Variants in MEGF6 observed in about 807,000 individuals in gnomAD.
The protein encoded by MEGF6 is multiple epidermal growth factor-like domains protein 6.
A neutral mutation model predicts 207.1 loss-of-function variants in MEGF6; 184 were observed. That is an observed-to-expected ratio of 0.89 (90% CI 0.79 to 1.00). MEGF6 has a LOEUF of 1.00. Ranked by LOEUF, MEGF6 falls within the 50% of genes least tolerant of loss-of-function variation. The pLI, the probability that MEGF6 is intolerant of heterozygous loss-of-function variation, is 0.00. For missense variants in MEGF6, 2,282 were observed against 2,202.9 expected (o/e 1.04, Z -0.72); for synonymous variants, 1,038 against 910.0 (o/e 1.14, Z -2.53).
At chr1:3,525,204 C>G (rs568741683) in intron 4 of MEGF6, among the ~76,000 whole-genome samples, 30 of 152,344 alleles carry the variant, frequency 2.0e-4, no homozygotes, top group African/African-American at 6.7e-4. Flanking sequence ...CACCCTCCCC[C>G]ATGAAGTGCC....
chr1:3,551,828 G>A (rs1464911681), intron 4 of MEGF6, among the ~76,000 whole-genome samples: 4 of 152,134 alleles, frequency 2.6e-5, no homozygotes, highest in East Asian at 1.9e-4. Flanking sequence ...CACCCTGCCC[G>A]AGGCCACCCT....
intron 4 of MEGF6, among the ~76,000 whole-genome samples, chr1:3,532,094 G>T (rs566021846): frequency 6.6e-6 from 1 of 152,246 alleles, no homozygotes; most frequent in African/African-American, 2.4e-5. Context: ...TTGCCTGCAG[G>T]GTGGCCAGCA....
At chr1:3,614,082 G>T (rs778902245), upstream of MEGF6, among the ~76,000 whole-genome samples, 1 of 152,182 alleles carries the variant, frequency 6.6e-6, no homozygotes, top group African/African-American at 2.4e-5. Context: ...CGCCTTTCAG[G>T]GTGATGGGGG....
intron 7 of MEGF6, among the ~76,000 whole-genome samples, chr1:3,512,383 T>C (rs1253944976): frequency 1.3e-5 from 2 of 152,350 alleles, no homozygotes; most frequent in South Asian, 2.1e-4. Context: ...CAGGCAGCAC[T>C]TTCCTGGTGT....
intron 4 of MEGF6, among the ~76,000 whole-genome samples, chr1:3,539,744 C>G (rs1280124083): frequency 1.3e-5 from 2 of 152,202 alleles, no homozygotes; most frequent in Admixed American, 1.3e-4. Flanking sequence ...ACAGAAGCTT[C>G]TAGGACAAGG....
chr1:3,538,248 A>G (rs922000598), intron 4 of MEGF6, among the ~76,000 whole-genome samples: 48 of 152,128 alleles, frequency 3.2e-4, no homozygotes, highest in Non-Finnish European at 4.6e-4. Flanking sequence ...GCGGAGACAG[A>G]GCAGACCGGC....
chr1:3,599,357 G>A (rs897574404), intron 2 of MEGF6, among the ~76,000 whole-genome samples: 2 of 152,196 alleles, frequency 1.3e-5, no homozygotes, highest in East Asian at 1.9e-4. Context: ...GGGTGCCCTC[G>A]GGCTGTGGGG....
intron 5 of MEGF6, among the ~76,000 whole-genome samples, chr1:3,523,059 C>T (rs944135737): frequency 1.4e-5 from 2 of 145,944 alleles, no homozygotes; most frequent in African/African-American, 2.6e-5. Flanking sequence ...GTGGCCGGGA[C>T]ATGTGAGTGT....
chr1:3,576,299 C>A (rs1643640556), intron 4 of MEGF6, among the ~76,000 whole-genome samples: 1 of 152,246 alleles, frequency 6.6e-6, no homozygotes, highest in Non-Finnish European at 1.5e-5. Flanking sequence ...CGCTGCAGAC[C>A]CGAGACTTGC....
chr1:3,533,398 C>T (rs1332932185), intron 4 of MEGF6, among the ~76,000 whole-genome samples: 1 of 152,254 alleles, frequency 6.6e-6, no homozygotes, highest in Non-Finnish European at 1.5e-5. Flanking sequence ...GATAGACAGG[C>T]TGACGGGCCT....
intron 4 of MEGF6, 88 bp from the exon 5 acceptor site, chr1:3,524,334 C>T: frequency 6.5e-7 from 1 of 1,541,034 alleles, no homozygotes; most frequent in Non-Finnish European, 8.8e-7. Flanking sequence ...GGGGCCCAGA[C>T]CCAGGTCCCT....
chr1:3,523,702 G>A (rs943618263), intron 5 of MEGF6, among the ~76,000 whole-genome samples: 18 of 152,314 alleles, frequency 1.2e-4, no homozygotes, highest in African/African-American at 3.6e-4. Flanking sequence ...CACGTAGCAC[G>A]TGACCCAGGT....
intron 3 of MEGF6, among the ~76,000 whole-genome samples, chr1:3,593,519 G>T (rs990268141): frequency 1.3e-5 from 2 of 148,438 alleles, no homozygotes; most frequent in Admixed American, 1.4e-4. Flanking sequence ...CCCCTCCTGG[G>T]AACAAAAAGC....
In MEGF6 at chr1:3,560,422, T is replaced by TCTTAAA. The variant is rs1643165102; in HGVS notation, c.481+19402_481+19403insTTTAAG. Among the ~76,000 whole-genome samples, 2 of 151,622 alleles carry TCTTAAA rather than the reference T, an allele frequency of 1.3e-5. No individual in the cohort carries two copies. The highest frequency in any genetic ancestry group is 4.9e-5 in the African/African-American group (2 of 41,226). Reference sequence around the variant, plus strand: ...ACCATTGTAAGATCACGCAGAGGAGTTCCTGCCCTAAAAATCCTCTGTGCT... The same window carrying TCTTAAA: ...ACCATTGTAAGATCACGCAGAGGAGTCTTAAATCCTGCCCTAAAAATCCTCTGTGCT... On this transcript the variant is annotated intron_variant, in intron 4 of 36. Coordinates refer to ENST00000356575, the MANE Select transcript of MEGF6 (RefSeq NM_001409.4). This position sits in a 1 kb window ranked among gnomAD's most constrained non-coding sequence, Gnocchi z 4.0.
intron 21 of MEGF6, 32 bp downstream of exon 21, chr1:3,500,601 G>C: frequency 6.5e-7 from 1 of 1,537,316 alleles, no homozygotes; most frequent in Non-Finnish European, 8.8e-7. Flanking sequence ...GCACTCAGGA[G>C]GGTGGCAGCC....
At chr1:3,541,672 C>A (rs928728487) in intron 4 of MEGF6, among the ~76,000 whole-genome samples, 12 of 152,182 alleles carry the variant, frequency 7.9e-5, no homozygotes, top group African/African-American at 2.9e-4. Flanking sequence ...TTCCCACATG[C>A]CTTCCTCTCC....
intron 5 of MEGF6, among the ~76,000 whole-genome samples, chr1:3,516,421 C>A: frequency 6.6e-6 from 1 of 152,256 alleles, no homozygotes; most frequent in African/African-American, 2.4e-5. Flanking sequence ...GTGCTGTTGC[C>A]TGTGCCCGGG....
rs550751515 is a variant in MEGF6 at position 3,499,777 on chromosome 1, C to T, written c.2836+19G>A. The T allele has an allele frequency of 1.1e-5, 17 of 1,571,968 alleles. No individual in the cohort carries two copies. Among genetic ancestry groups the T allele is most frequent in the East Asian group, 2.3e-5 (1 of 42,782 alleles). The stretch of plus-strand genomic sequence containing the variant: ...ACTGGAGGCCACCCAGCCTAGCCCC[C>T]GCCTGTGCCGTAGCTCACCATGCTC... On this transcript the variant is annotated intron_variant, in intron 22 of 36. Transcript: ENST00000356575.
At chr1:3,572,824 T>TC in intron 4 of MEGF6, among the ~76,000 whole-genome samples, 1 of 137,280 alleles carries the variant, frequency 7.3e-6, no homozygotes, top group Non-Finnish European at 1.6e-5. Flanking sequence ...GTGTGCTGGG[T>TC]TCTCCTGGGT....
Sources: gnomAD v4.1 joint callset for allele counts (sites outside exome capture counted in the v4.1 genomes callset) on GRCh38, gnomAD v4.1.1 for gene constraint, Gnocchi (gnomAD v3.1) non-coding constraint, MANE v1.5 for transcripts, NCBI Gene and HGNC (gene_info 2026-07-23, HGNC 2026-07-21) for gene names.